SH3GLB2: variants seen among roughly 807,000 people sequenced by gnomAD.
The protein encoded by SH3GLB2 is endophilin-B2.
Under a neutral mutation model 48.0 loss-of-function variants are expected in SH3GLB2, and 24 were observed. That is an observed-to-expected ratio of 0.50 (90% confidence interval 0.36 to 0.70). The LOEUF (loss-of-function observed/expected upper bound fraction) is 0.70. SH3GLB2 is among the 30% of genes least tolerant of loss of function. SH3GLB2 has a pLI of 0.00. For missense variants in SH3GLB2, 425 were observed against 516.0 expected (o/e 0.82, Z 1.71); for synonymous variants, 227 against 207.6 (o/e 1.09, Z -0.80).
rs1447073802 is a variant in SH3GLB2, at chr9:129,010,038, G to A, written c.738+82C>T. On this transcript the variant is annotated intron_variant, in intron 8 of 10. Coordinates refer to ENST00000372564, the MANE Select transcript of SH3GLB2 (RefSeq NM_020145.4). ...CTTGCTCTGTGAGGGCCATTCTGGGGCAGCCCTGCTGACCTTGTGGTTCAG... is the reference window on the plus strand; with the variant it reads ...CTTGCTCTGTGAGGGCCATTCTGGGACAGCCCTGCTGACCTTGTGGTTCAG... The A allele has an allele frequency of 3.4e-6, 5 of 1,468,114 alleles. No individual in the cohort carries two copies. The African/African-American group carries it at 5.5e-5, about 16-fold the overall frequency. The allele number at this position is 1,468,114 out of a possible 1,614,324, so 90.9% of individuals were successfully genotyped here.
rs1241519391 is a variant in SH3GLB2 at position 129,014,296 on chromosome 9, C to T, written c.561+115G>A. On this transcript the variant is annotated intron_variant, in intron 5 of 10. Transcript: ENST00000372564. The surrounding 1 kb of genome is among the most constrained non-coding windows in gnomAD (Gnocchi z 4.1). The stretch of plus-strand genomic sequence containing the variant: ...CCCAGCAGCCCCCAGCCAGGCATCT[C>T]CAGCCAGGGAGAGGGGAGAGAGGTC... 3.0e-6 allele frequency: 3 copies of T among 998,810 alleles called. No homozygotes were observed. Among genetic ancestry groups the T allele is most frequent in the Admixed American group, 4.3e-5 (2 of 46,078 alleles). 61.9% of individuals were successfully genotyped at this position (998,810 alleles called of 1,614,324 possible). A position where few individuals can be genotyped will look rare whatever the true frequency, so the allele number is the denominator to read the frequency against.
chr9:129,022,022 C>T (rs1442444644), intron 2 of SH3GLB2, among the ~76,000 whole-genome samples: 2 of 151,860 alleles, frequency 1.3e-5, no homozygotes, highest in Non-Finnish European at 2.9e-5. Context: ...TGCCTCTTCT[C>T]CCACGTGTGT....
intron 5 of SH3GLB2, 75 bp from the exon 6 acceptor site, chr9:129,012,373 C>T (rs1438188933): frequency 2.0e-6 from 2 of 976,280 alleles, no homozygotes; most frequent in Non-Finnish European, 2.7e-6. Flanking sequence ...GGAGGCTACC[C>T]CAGAGTCTTG....
At chr9:129,010,981 A>T (rs1843087498) in intron 6 of SH3GLB2, 3 of 490,900 alleles carry the variant, frequency 6.1e-6, no homozygotes, top group Non-Finnish European at 1.1e-5. Flanking sequence ...GTCTCAAGAG[A>T]GACGGAGTGT....
At chr9:129,013,161 C>A in intron 5 of SH3GLB2, 1 of 860,774 alleles carries the variant, frequency 1.2e-6, no homozygotes, top group Non-Finnish European at 1.9e-6. Flanking sequence ...CCACAGCCTG[C>A]CCTCCTGAAG....
chr9:129,018,558 CAG>C (rs1234469394), intron 3 of SH3GLB2, among the ~76,000 whole-genome samples: 2 of 145,718 alleles, frequency 1.4e-5, no homozygotes, highest in South Asian at 2.1e-4. Flanking sequence ...GCCTAGGTGA[CAG>C]AGAGAGACTC....
chr9:129,022,529 G>T, intron 1 of SH3GLB2, 106 bp from the exon 2 acceptor site: 1 of 1,038,548 alleles, frequency 9.6e-7, no homozygotes, highest in Non-Finnish European at 1.4e-6. Flanking sequence ...CAGGAACCCA[G>T]GCAGGCCCCA....
chr9:129,020,690 A>G (rs1484384223), intron 3 of SH3GLB2, among the ~76,000 whole-genome samples: 1 of 150,124 alleles, frequency 6.7e-6, no homozygotes, highest in Non-Finnish European at 1.5e-5. Flanking sequence ...ACATGGTGAA[A>G]CCTCGTCTCT....
intron 1 of SH3GLB2, among the ~76,000 whole-genome samples, chr9:129,024,304 A>G (rs1236090655): frequency 1.3e-5 from 2 of 150,956 alleles, no homozygotes; most frequent in African/African-American, 4.9e-5. Context: ...GCTTATGCCT[A>G]TAATCCCAGC....
At position 129,009,875 on chromosome 9, in the gene SH3GLB2, CG is replaced by C; in HGVS notation, c.739-5del. 1.9e-6 allele frequency: 3 copies of C among 1,612,524 alleles called. No homozygotes were observed. The highest frequency in any genetic ancestry group is 2.5e-6 in the Non-Finnish European group (3 of 1,179,214). Reference sequence around the variant, plus strand: ...GGAGGCAGCGCAGGTGGTTCACCTGCGGGGAAGAGGCCAGAGGCTGACTTCT... The same window carrying C: ...GGAGGCAGCGCAGGTGGTTCACCTGCGGGAAGAGGCCAGAGGCTGACTTCT... On this transcript the variant is annotated splice_region_variant and splice_polypyrimidine_tract_variant and intron_variant, in intron 8 of 10. Transcript: ENST00000372564.
chr9:129,009,465 G>C (rs1842974123), intron 9 of SH3GLB2, 119 bp from the exon 10 acceptor site: 1 of 1,549,562 alleles, frequency 6.5e-7, no homozygotes, highest in East Asian at 2.4e-5. Flanking sequence ...GGCACCCTGG[G>C]AGCTGGCAGC....
chr9:129,027,963 G>A (rs1193270986), intron 1 of SH3GLB2, 129 bp downstream of exon 1: 7 of 838,710 alleles, frequency 8.3e-6, no homozygotes, highest in Non-Finnish European at 1.2e-5. Context: ...GGGGGCAGAG[G>A]TGTGCCGCGG....
intron 10 of SH3GLB2, 81 bp from the exon 11 acceptor site, chr9:129,008,872 C>A (rs1033599741): frequency 2.1e-6 from 3 of 1,401,900 alleles, no homozygotes; most frequent in Admixed American, 1.8e-5. Flanking sequence ...ACAGAGCTGC[C>A]ACCTCCCCAT....
rs1229613282 is a variant in SH3GLB2, at chr9:129,009,195, C to G, written c.991G>C (p.Ala331Pro). 16 of 1,610,260 alleles carry G rather than the reference C, an allele frequency of 9.9e-6. No individual in the cohort carries two copies. The highest frequency in any genetic ancestry group is 1.2e-5 in the Non-Finnish European group (14 of 1,178,994). Residue 331 changes from alanine (A) to proline (P), a missense_variant, in exon 10 of 11, where the codon GCC becomes CCC. Transcript: ENST00000372564. ...TTGCGGGTCCCACTGGCAGGGGGGG[C>G]CACCTCTTCCAGGCAGAGCGAGGCC... is the stretch of plus-strand genomic sequence containing the variant. ...GEASLCLEEV[A>P]PPASGTRKAR...
At chr9:129,012,883 G>T in intron 5 of SH3GLB2, 2 of 1,230,110 alleles carry the variant, frequency 1.6e-6, no homozygotes, top group Non-Finnish European at 2.3e-6. Flanking sequence ...CACAGTAGAG[G>T]CTCTGGCGGG....
chr9:129,008,974 G>C, intron 10 of SH3GLB2, 132 bp downstream of exon 10: 1 of 1,448,904 alleles, frequency 6.9e-7, no homozygotes, highest in Non-Finnish European at 9.4e-7. Flanking sequence ...CTCAGAGCTG[G>C]ATATGCCCTC....
At position 129,014,706 on chromosome 9, in the gene SH3GLB2, C is replaced by T; in HGVS notation, c.468+65G>A. 1.3e-6 allele frequency: 2 copies of T among 1,573,664 alleles called. No homozygotes were observed. Among genetic ancestry groups the T allele is most frequent in the Non-Finnish European group, 1.7e-6 (2 of 1,159,670 alleles). The stretch of plus-strand genomic sequence containing the variant: ...CCCCAGCACTGGAAGAGAGCCTGTA[C>T]TCAAAGGCTCTGAGGAGGGAACTGC... On this transcript the variant is annotated intron_variant, in intron 4 of 10. Transcript: ENST00000372564. This position sits in a 1 kb window ranked among gnomAD's most constrained non-coding sequence, Gnocchi z 4.1.
intron 9 of SH3GLB2, chr9:129,009,564 C>A: frequency 1.3e-6 from 2 of 1,542,934 alleles, no homozygotes; most frequent in Admixed American, 2.0e-5. Context: ...CCCTAGAAAC[C>A]CTCAGGGGCT....
intron 10 of SH3GLB2, 132 bp from the exon 11 acceptor site, chr9:129,008,923 T>A (rs1842919525): frequency 1.6e-6 from 2 of 1,275,752 alleles, no homozygotes; most frequent in African/African-American, 2.9e-5. Context: ...CTGGCGCTCA[T>A]CTCACTTGCT....
Sources: gnomAD v4.1 joint callset for allele counts (sites outside exome capture counted in the v4.1 genomes callset) on GRCh38, gnomAD v4.1.1 for gene constraint, Gnocchi (gnomAD v3.1) non-coding constraint, MANE v1.5 for transcripts, NCBI Gene and HGNC (gene_info 2026-07-23, HGNC 2026-07-21) for gene names.